Variants in KAZN observed in about 807,000 individuals in gnomAD.
The protein encoded by KAZN is kazrin.
Under a neutral mutation model 87.4 loss-of-function variants are expected in KAZN, and 40 were observed. That is an observed-to-expected ratio of 0.46 (90% confidence interval 0.36 to 0.60). KAZN has a LOEUF of 0.60. KAZN is among the 20% of genes least tolerant of loss of function. KAZN has a pLI of 0.00. For synonymous variants in KAZN, 466 were observed against 458.3 expected, an observed-to-expected ratio of 1.02 and a Z score of -0.22; for missense variants, 898 against 1,073.9, an observed-to-expected ratio of 0.84 and a Z score of 2.29.
chr1:14,031,727 A>G (rs1027715891), intron 1 of KAZN, among the ~76,000 whole-genome samples: 1 of 152,160 alleles, frequency 6.6e-6, no homozygotes, highest in African/African-American at 2.4e-5. Context: ...CTTTTATCTC[A>G]TGAATTGCTT....
intron 1 of KAZN, among the ~76,000 whole-genome samples, chr1:14,846,199 G>T (rs78887741): frequency 6.6e-6 from 1 of 152,208 alleles, no homozygotes; most frequent in African/African-American, 2.4e-5. Context: ...ACAGTTTTTG[G>T]AGACTCAAGA....
chr1:13,999,366 A>T lies in KAZN; in HGVS notation c.91+105610A>T, dbSNP rs572412601. Among the ~76,000 whole-genome samples, 535 of 149,536 alleles carry T rather than the reference A, an allele frequency of 3.6e-3. 2 individuals carry two copies. Among genetic ancestry groups the T allele is most frequent in the African/African-American group, 0.013 (499 of 39,160 alleles). ...CCATCTAAAAAACAAAAAACAAAAA[A>T]CAAAAAACAAAAAAACAAACAAAAA... is the stretch of plus-strand genomic sequence containing the variant. On this transcript the variant is annotated intron_variant, in intron 1 of 16. Transcript: ENST00000636203.
At chr1:14,776,970 G>C (rs1196079560) in intron 1 of KAZN, among the ~76,000 whole-genome samples, 4 of 150,302 alleles carry the variant, frequency 2.7e-5, no homozygotes, top group African/African-American at 9.8e-5. Flanking sequence ...CGTCTTTGAA[G>C]TCGGTATTTC....
chr1:14,704,004 C>G (rs1642072262), intron 1 of KAZN, among the ~76,000 whole-genome samples: 1 of 152,170 alleles, frequency 6.6e-6, no homozygotes, highest in African/African-American at 2.4e-5. Flanking sequence ...CTACCAAGTC[C>G]AGGATTAGAC....
intron 1 of KAZN, among the ~76,000 whole-genome samples, chr1:14,031,609 G>A (rs965307315): frequency 1.1e-4 from 17 of 152,196 alleles, no homozygotes; most frequent in East Asian, 3.9e-4. Flanking sequence ...ATTCAGTTCT[G>A]TTGCTGGCTA....
intron 1 of KAZN, among the ~76,000 whole-genome samples, chr1:14,901,752 C>T (rs79297788): frequency 0.015 from 2,276 of 152,292 alleles, 54 homozygotes; most frequent in African/African-American, 0.053. Flanking sequence ...GACAGCCTGG[C>T]GTCCAAGGTC....
intron 1 of KAZN, among the ~76,000 whole-genome samples, chr1:14,681,288 G>A (rs1239555320): frequency 6.6e-6 from 1 of 152,132 alleles, no homozygotes; most frequent in Non-Finnish European, 1.5e-5. Context: ...TGGACACTTG[G>A]ATTGTTTCCA....
rs142234922 is a variant in KAZN at position 14,005,645 on chromosome 1, T to C, written c.91+111889T>C. Among the ~76,000 whole-genome samples, 771 of 152,330 alleles carry C rather than the reference T, an allele frequency of 5.1e-3. 2 individuals are homozygous for C. Among genetic ancestry groups the C allele is most frequent in the African/African-American group, 0.016 (649 of 41,578 alleles). On this transcript the variant is annotated intron_variant, in intron 1 of 16. Transcript: ENST00000636203. ...TTGAACTGACTCTTTTAGATAAAGA[T>C]ACCAATTATCATATGCCAGGCACTA...
chr1:15,101,195 C>CTCTCTCTCTCTCTCT (rs1573306238), intron 10 of KAZN, among the ~76,000 whole-genome samples: 2 of 60,470 alleles, frequency 3.3e-5, no homozygotes, highest in African/African-American at 4.8e-5. Context: ...TCTGCCTCTT[C>CTCTCTCTCTCTCTCT]CTCTTTGTTC....
intron 1 of KAZN, among the ~76,000 whole-genome samples, chr1:14,019,914 G>A (rs944310008): frequency 1.1e-4 from 17 of 151,984 alleles, no homozygotes; most frequent in Non-Finnish European, 2.1e-4. Flanking sequence ...TACATTTATC[G>A]TACACTTTAT....
chr1:14,943,197 G>A (rs1048539378), intron 1 of KAZN, among the ~76,000 whole-genome samples: 1 of 151,782 alleles, frequency 6.6e-6, no homozygotes, highest in South Asian at 2.1e-4. Context: ...AGACAGACGG[G>A]GAAACATTTG....
intron 1 of KAZN, among the ~76,000 whole-genome samples, chr1:14,137,140 G>C (rs1645124949): frequency 6.6e-6 from 1 of 152,150 alleles, no homozygotes. Context: ...TTTCATTAAG[G>C]AACCATCCCA....
chr1:14,250,246 T>G (rs1436711156), intron 2 of KAZN, among the ~76,000 whole-genome samples: 1 of 152,154 alleles, frequency 6.6e-6, no homozygotes, highest in Non-Finnish European at 1.5e-5. Context: ...GTTTCATGGA[T>G]CTTATGCTAA....
chr1:14,672,612 C>G (rs1199862303), intron 1 of KAZN, among the ~76,000 whole-genome samples: 1 of 152,202 alleles, frequency 6.6e-6, no homozygotes, highest in African/African-American at 2.4e-5. Context: ...AAGAATTGCT[C>G]TCTGACAAGT....
intron 2 of KAZN, among the ~76,000 whole-genome samples, chr1:15,033,659 G>A (rs1573122137): frequency 6.6e-6 from 1 of 152,156 alleles, no homozygotes. Flanking sequence ...GCATTTCCCC[G>A]ATGACAATTG....
intron 2 of KAZN, among the ~76,000 whole-genome samples, chr1:14,427,333 A>G (rs1365546617): frequency 6.6e-6 from 1 of 152,194 alleles, no homozygotes; most frequent in Non-Finnish European, 1.5e-5. Flanking sequence ...GGGGATAATA[A>G]TAGTCCTTGC....
intron 2 of KAZN, among the ~76,000 whole-genome samples, chr1:14,446,560 A>G (rs1286682582): frequency 1.3e-5 from 2 of 152,222 alleles, no homozygotes; most frequent in African/African-American, 2.4e-5. Context: ...GAGCTAAACC[A>G]TGGAGGCTAG....
chr1:14,291,981 C>T (rs185801822), intron 2 of KAZN, among the ~76,000 whole-genome samples: 17 of 152,248 alleles, frequency 1.1e-4, no homozygotes, highest in Admixed American at 1.1e-3. Flanking sequence ...GTCAATTAAA[C>T]CTCTTTTCTT....
intron 13 of KAZN, among the ~76,000 whole-genome samples, chr1:15,106,782 CTCATGGTA>C (rs1244088191): frequency 2.6e-5 from 4 of 152,160 alleles, no homozygotes. Flanking sequence ...CTGCCATGGT[CTCATGGTA>C]TCTGCTTTGA....
Sources: gnomAD v4.1 joint callset for allele counts (sites outside exome capture counted in the v4.1 genomes callset) on GRCh38, gnomAD v4.1.1 for gene constraint, MANE v1.5 for transcripts, NCBI Gene and HGNC (gene_info 2026-07-23, HGNC 2026-07-21) for gene names.